Variants in CPA6 observed in about 807,000 individuals in gnomAD.
CPA6 encodes carboxypeptidase A6, also known as carboxypeptidase B.
CPA6 carries 58 observed loss-of-function variants against 63.3 expected under a neutral mutation model. That is an observed-to-expected ratio of 0.92 (90% CI 0.74 to 1.14). The LOEUF is 1.14. CPA6 is among the 50% of genes most tolerant of loss of function. The pLI is 0.00. For missense variants in CPA6, 565 were observed against 526.6 expected (o/e 1.07, Z -0.71); for synonymous variants, 185 against 179.0 (o/e 1.03, Z -0.27).
intron 2 of CPA6, among the ~76,000 whole-genome samples, chr8:67,605,228 T>C (rs901582175): frequency 6.6e-6 from 1 of 152,188 alleles, no homozygotes; most frequent in Non-Finnish European, 1.5e-5. Flanking sequence ...GTATTCCATT[T>C]AGATCTGTTT....
chr8:67,594,761 T>C (rs540161641), intron 2 of CPA6, among the ~76,000 whole-genome samples: 1 of 152,322 alleles, frequency 6.6e-6, no homozygotes, highest in African/African-American at 2.4e-5. Flanking sequence ...CTATATTGGT[T>C]ATTCTAGTTA....
intron 1 of CPA6, among the ~76,000 whole-genome samples, chr8:67,657,433 C>A (rs1201261149): frequency 4.6e-5 from 7 of 152,128 alleles, no homozygotes; most frequent in Admixed American, 4.6e-4. Flanking sequence ...ATAAACCTAG[C>A]AGTTTAAAAA....
chr8:67,689,070 C>G (rs896386137), intron 1 of CPA6, among the ~76,000 whole-genome samples: 1 of 152,024 alleles, frequency 6.6e-6, no homozygotes, highest in African/African-American at 2.4e-5. Context: ...ACCTCCACCT[C>G]CTGGGTTCGA....
intron 1 of CPA6, among the ~76,000 whole-genome samples, chr8:67,711,753 C>T (rs901491205): frequency 3.3e-5 from 5 of 151,590 alleles, no homozygotes; most frequent in Admixed American, 1.3e-4. Flanking sequence ...CCTTACACCC[C>T]ATATGAGAGG....
At chr8:67,483,554 A>G (rs1811403762) in intron 8 of CPA6, 3 of 572,898 alleles carry the variant, frequency 5.2e-6, no homozygotes, top group Non-Finnish European at 9.3e-6. Context: ...CCGAATTGAC[A>G]TATTTAAAAT....
chr8:67,616,463 A>G (rs575016483), intron 2 of CPA6, among the ~76,000 whole-genome samples: 2 of 150,826 alleles, frequency 1.3e-5, no homozygotes, highest in South Asian at 4.2e-4. Context: ...GAAGTTAGGT[A>G]ACTGTCATCC....
At position 67,687,427 on chromosome 8, in the gene CPA6, T is replaced by C. The variant is rs887838827; in HGVS notation, c.116+58587A>G. Among the ~76,000 whole-genome samples the C allele has an allele frequency of 7.3e-5, 11 of 151,306 alleles. No homozygotes were observed. In the South Asian group the frequency reaches 1.2e-3, roughly 17 times the overall value. On this transcript the variant is annotated intron_variant, in intron 1 of 10. Coordinates refer to ENST00000297770, the MANE Select transcript of CPA6 (RefSeq NM_020361.5). ...TTGTGGTGAGAGGATCTGGGCAGGA[T>C]TGGGGAAGGGCTATTAAAAAGCAAG... is the stretch of plus-strand genomic sequence containing the variant.
At chr8:67,503,751 A>T (rs558308419) in intron 6 of CPA6, among the ~76,000 whole-genome samples, 29 of 152,128 alleles carry the variant, frequency 1.9e-4, no homozygotes, top group Non-Finnish European at 2.6e-4. Context: ...TATTATTATT[A>T]TTTTTTTAAG....
intron 1 of CPA6, among the ~76,000 whole-genome samples, chr8:67,685,605 T>G (rs890684351): frequency 2.6e-5 from 4 of 151,954 alleles, no homozygotes; most frequent in African/African-American, 9.7e-5. Flanking sequence ...GGTGACAGAG[T>G]GAGACTCCAT....
intron 1 of CPA6, among the ~76,000 whole-genome samples, chr8:67,704,786 C>G (rs77411470): frequency 1.3e-5 from 2 of 152,164 alleles, no homozygotes; most frequent in East Asian, 3.9e-4. Flanking sequence ...AGGGAGATAA[C>G]AGGCAACATC....
At chr8:67,497,960 T>C (rs1213462407) in intron 6 of CPA6, among the ~76,000 whole-genome samples, 2 of 152,076 alleles carry the variant, frequency 1.3e-5, no homozygotes. Flanking sequence ...TGAGCCATCC[T>C]CTATTTTTAA....
intron 6 of CPA6, among the ~76,000 whole-genome samples, chr8:67,496,722 G>T (rs866882434): frequency 6.6e-6 from 1 of 151,188 alleles, no homozygotes; most frequent in Non-Finnish European, 1.5e-5. Flanking sequence ...CACCACACCC[G>T]GCTAATTTTT....
intron 2 of CPA6, among the ~76,000 whole-genome samples, chr8:67,574,244 G>A (rs552992846): frequency 6.6e-6 from 1 of 151,664 alleles, no homozygotes; most frequent in East Asian, 2.0e-4. Flanking sequence ...TGGGCATGGT[G>A]GCACGAGAGT....
intron 2 of CPA6, among the ~76,000 whole-genome samples, chr8:67,538,662 CTGTG>C (rs1244643267): frequency 6.6e-6 from 1 of 151,810 alleles, no homozygotes; most frequent in Non-Finnish European, 1.5e-5. Context: ...ATTTGTCAGT[CTGTG>C]TCTTTTTTTT....
intron 2 of CPA6, among the ~76,000 whole-genome samples, chr8:67,582,003 T>C (rs1813785123): frequency 6.6e-6 from 1 of 152,118 alleles, no homozygotes; most frequent in African/African-American, 2.4e-5. Context: ...CTAGAGTTAT[T>C]AGAAGGAGCA....
intron 1 of CPA6, among the ~76,000 whole-genome samples, chr8:67,663,969 A>G (rs1286762274): frequency 1.3e-5 from 2 of 152,338 alleles, no homozygotes; most frequent in Non-Finnish European, 2.9e-5. Context: ...GTGAAGCAGG[A>G]GGGGGCCTTT....
At chr8:67,483,390 A>G (rs1169129679) in intron 8 of CPA6, 1 of 277,572 alleles carries the variant, frequency 3.6e-6, no homozygotes, top group Non-Finnish European at 7.0e-6. Context: ...CACGACAGAC[A>G]GCCGAATGCA....
chr8:67,521,646 T>C (rs927167833), intron 2 of CPA6, among the ~76,000 whole-genome samples: 1 of 152,208 alleles, frequency 6.6e-6, no homozygotes, highest in Non-Finnish European at 1.5e-5. Flanking sequence ...CTTCGTATGG[T>C]TAAGATGAAG....
intron 2 of CPA6, among the ~76,000 whole-genome samples, chr8:67,583,382 T>G (rs1345281360): frequency 6.6e-6 from 1 of 151,796 alleles, no homozygotes; most frequent in Non-Finnish European, 1.5e-5. Context: ...TAATGGAGGG[T>G]GAAATTTGGG....
Sources: allele counts gnomAD v4.1 joint callset (sites outside exome capture counted in the v4.1 genomes callset), GRCh38; gene constraint gnomAD v4.1.1; transcripts MANE v1.5; gene names NCBI Gene and HGNC (gene_info 2026-07-23, HGNC 2026-07-21).